ROCK2: variants seen among roughly 807,000 people sequenced by gnomAD.
ROCK2 encodes the protein Rho associated coiled-coil containing protein kinase 2, also known as rho-associated protein kinase 2.
In ROCK2, 61 loss-of-function variants were observed where a neutral mutation model predicts 195.1. The ratio of observed to expected loss-of-function variants is 0.31; its 90% CI spans 0.25 to 0.39. ROCK2 has a LOEUF of 0.39. ROCK2 is among the 10% of genes least tolerant of loss of function. ROCK2 has a pLI of 1.00. For missense variants in ROCK2, 1,109 were observed against 1,637.4 expected (o/e 0.68, Z 5.57); for synonymous variants, 504 against 545.5 (o/e 0.92, Z 1.06).
chr2:11,189,817 T>C (rs1663347012), intron 32 of ROCK2, among the ~76,000 whole-genome samples: 1 of 151,452 alleles, frequency 6.6e-6, no homozygotes, highest in Admixed American at 6.6e-5. Context: ...CCCCCATCTC[T>C]ACAGAAAATA....
At chr2:11,345,083 C>T (rs1639568006), upstream of ROCK2, among the ~76,000 whole-genome samples, 1 of 152,074 alleles carries the variant, frequency 6.6e-6, no homozygotes, top group Non-Finnish European at 1.5e-5. Context: ...GGCCTCGCCT[C>T]ACCCGCGCCC....
chr2:11,273,547 T>C (rs992243285), intron 3 of ROCK2, among the ~76,000 whole-genome samples: 4 of 152,176 alleles, frequency 2.6e-5, no homozygotes, highest in African/African-American at 9.7e-5. Context: ...TCTATAATAA[T>C]AGTTGGAGAC....
intron 1 of ROCK2, among the ~76,000 whole-genome samples, chr2:11,291,994 T>A (rs1572370119): frequency 6.6e-6 from 1 of 151,748 alleles, no homozygotes; most frequent in Non-Finnish European, 1.5e-5. Flanking sequence ...AATGACAGAC[T>A]ATGATAGTTA....
At chr2:11,296,050 G>C (rs1033250959) in intron 1 of ROCK2, among the ~76,000 whole-genome samples, 1 of 143,778 alleles carries the variant, frequency 7.0e-6, no homozygotes, top group Non-Finnish European at 1.5e-5. Context: ...GAGAGAGAGA[G>C]AAAACAAAGG....
intron 27 of ROCK2, among the ~76,000 whole-genome samples, chr2:11,195,798 A>G (rs980127119): frequency 2.6e-5 from 4 of 152,256 alleles, no homozygotes; most frequent in Non-Finnish European, 5.9e-5. Flanking sequence ...TATAGGCATG[A>G]GCCACCACAC....
intron 23 of ROCK2, among the ~76,000 whole-genome samples, chr2:11,200,719 G>T (rs200653115): frequency 2.1e-5 from 3 of 142,022 alleles, no homozygotes; most frequent in Non-Finnish European, 3.1e-5. Flanking sequence ...TGTTTAAAAA[G>T]AAAAAAAAAA....
At position 11,344,393 on chromosome 2, in the gene ROCK2, TCA is replaced by T; in HGVS notation, c.-259_-258del. 1 of 1,118,772 alleles carries T rather than the reference TCA, an allele frequency of 8.9e-7. No homozygotes were observed. The highest frequency in any genetic ancestry group is 1.1e-6 in the Non-Finnish European group (1 of 916,508). The allele number at this position is 1,118,772 out of a possible 1,614,324, so 69.3% of individuals were successfully genotyped here. A position where few individuals can be genotyped will look rare whatever the true frequency, so the allele number is the denominator to read the frequency against. On this transcript the variant is annotated 5_prime_UTR_variant, in exon 1 of 33. Coordinates refer to ENST00000315872, the MANE Select transcript of ROCK2 (RefSeq NM_004850.5). The surrounding 1 kb of genome is among the most constrained non-coding windows in gnomAD (Gnocchi z 5.4). ...AACAGACGGCGTCCCCGCCCCTCAGTCAGATTCGCGCCGCCGGTCCGCTGGTC... is the reference window on the plus strand; with the variant it reads ...AACAGACGGCGTCCCCGCCCCTCAGTGATTCGCGCCGCCGGTCCGCTGGTC...
intron 1 of ROCK2, among the ~76,000 whole-genome samples, chr2:11,340,198 C>T (rs2148280291): frequency 6.6e-6 from 1 of 152,130 alleles, no homozygotes; most frequent in Middle Eastern, 3.4e-3. Context: ...TGTGTACTCC[C>T]AAAAATGCTC....
intron 3 of ROCK2, among the ~76,000 whole-genome samples, chr2:11,251,145 G>C (rs749840109): frequency 1.3e-5 from 2 of 152,108 alleles, no homozygotes; most frequent in Non-Finnish European, 2.9e-5. Flanking sequence ...TCCATTCTCT[G>C]TGTCATGTTT....
rs776158890 is a variant in ROCK2, at chr2:11,343,978, C to T, written c.141+18G>A. 5.0e-6 allele frequency: 8 copies of T among 1,584,914 alleles called. No individual in the cohort carries two copies. Among genetic ancestry groups the T allele is most frequent in the Admixed American group, 3.5e-5 (2 of 57,738 alleles). ...GTGTGAGCTGCAACGAGCAAGCTCC[C>T]AGGCCCCGGCCACCTACCAGCAAGC... is the stretch of plus-strand genomic sequence containing the variant. On this transcript the variant is annotated intron_variant, in intron 1 of 32. Transcript: ENST00000315872.
rs139400393 is a variant in ROCK2 at position 11,230,951 on chromosome 2, A to G, written c.724-3553T>C. Among the ~76,000 whole-genome samples, 30 of 152,308 alleles carry G rather than the reference A, an allele frequency of 2.0e-4. No homozygotes were observed. In the East Asian group the frequency reaches 5.8e-3, roughly 29 times the overall value. Reference sequence around the variant, plus strand: ...TTTCAGTAAATTCAGTGTTTTCAGTAAATTCTCTGAATTTATGATATTTTG... The same window carrying G: ...TTTCAGTAAATTCAGTGTTTTCAGTGAATTCTCTGAATTTATGATATTTTG... On this transcript the variant is annotated intron_variant, in intron 5 of 32. Coordinates refer to ENST00000315872, the MANE Select transcript of ROCK2 (RefSeq NM_004850.5).
intron 1 of ROCK2, among the ~76,000 whole-genome samples, chr2:11,341,930 C>T (rs556388821): frequency 6.6e-6 from 1 of 152,060 alleles, no homozygotes; most frequent in East Asian, 1.9e-4. Flanking sequence ...GGCTGCACAA[C>T]AATGTGAATG....
intron 1 of ROCK2, among the ~76,000 whole-genome samples, chr2:11,317,612 A>ATATTTTTTTTTTTT (rs59701503): frequency 1.0e-4 from 2 of 19,310 alleles, no homozygotes; most frequent in African/African-American, 1.6e-4. Flanking sequence ...ATATATATAT[A>ATATTTTTTTTTTTT]TTTTTTTTTT....
chr2:11,262,946 G>A (rs1323978409), intron 3 of ROCK2, among the ~76,000 whole-genome samples: 1 of 151,880 alleles, frequency 6.6e-6, no homozygotes, highest in Non-Finnish European at 1.5e-5. Context: ...TGACAGACCT[G>A]GAGCAGTTAC....
intron 3 of ROCK2, 55 bp from the exon 4 acceptor site, chr2:11,249,853 A>G: frequency 7.5e-7 from 1 of 1,337,078 alleles, no homozygotes; most frequent in Non-Finnish European, 9.8e-7. Context: ...AGAGAAAGGT[A>G]AATAGATGAT....
intron 1 of ROCK2, among the ~76,000 whole-genome samples, 177 bp downstream of exon 1, chr2:11,343,819 A>C (rs1413056783): frequency 2.0e-5 from 3 of 152,200 alleles, no homozygotes; most frequent in Non-Finnish European, 2.9e-5. Context: ...AAGGCGGGTC[A>C]CTACTCTTGG....
Position 11,305,534 on chromosome 2 carries a change from T to C in ROCK2, c.142-17798A>G, listed in dbSNP as rs150504906. Among the ~76,000 whole-genome samples, 126 of 151,952 alleles carry C rather than the reference T, an allele frequency of 8.3e-4. 1 individual carries two copies. The highest frequency in any genetic ancestry group is 2.8e-3 in the African/African-American group (115 of 41,484). On this transcript the variant is annotated intron_variant, in intron 1 of 32. Transcript: ENST00000315872. ...ACCACTGAAAGGGCCTGGTGTACAA[T>C]AGATACTCCCATAGCAATGAGCTCA...
intron 1 of ROCK2, among the ~76,000 whole-genome samples, chr2:11,338,292 C>T (rs985358291): frequency 3.3e-5 from 5 of 152,064 alleles, no homozygotes; most frequent in South Asian, 2.1e-4. Context: ...GGTTATAGTG[C>T]GCTATGACTA....
At chr2:11,290,987 G>A (rs1244984739) in intron 1 of ROCK2, among the ~76,000 whole-genome samples, 1 of 152,050 alleles carries the variant, frequency 6.6e-6, no homozygotes, top group East Asian at 1.9e-4. Context: ...TAGCTCCAAT[G>A]CAGAAACTAA....
Sources: gnomAD v4.1 joint callset for allele counts (sites outside exome capture counted in the v4.1 genomes callset) on GRCh38, gnomAD v4.1.1 for gene constraint, Gnocchi (gnomAD v3.1) non-coding constraint, MANE v1.5 for transcripts, NCBI Gene and HGNC (gene_info 2026-07-23, HGNC 2026-07-21) for gene names.